The following RUSC2 variants were observed in gnomAD, a reference collection of about 807,000 sequenced individuals.
RUSC2 encodes the protein AP-4 complex accessory subunit RUSC2.
In RUSC2, 34 loss-of-function variants were observed where a neutral mutation model predicts 122.2. That is an observed-to-expected ratio of 0.28 (90% CI 0.21 to 0.37). The LOEUF (loss-of-function observed/expected upper bound fraction) is 0.37, where lower values mean the gene tolerates loss of function less well. Ranked by LOEUF, RUSC2 falls within the 10% of genes least tolerant of loss-of-function variation. The pLI, the probability that RUSC2 is intolerant of heterozygous loss-of-function variation, is 1.00. For missense variants in RUSC2, 1,747 were observed against 1,952.4 expected (o/e 0.89, Z 1.98); for synonymous variants, 784 against 790.0 (o/e 0.99, Z 0.13).
rs189053901 is a variant in RUSC2, at chr9:35,528,105, C to T, written c.-92-18325C>T. On this transcript the variant is annotated intron_variant, in intron 1 of 11. Transcript: ENST00000361226. ...GAAATGCTTTTAAAAGTATATATTG[C>T]CCAGGCACTGTGGCTCATGCCTATA... is the stretch of plus-strand genomic sequence containing the variant. 1.5e-4 allele frequency among the ~76,000 whole-genome samples: 23 copies of T among 152,288 alleles called. No individual in the cohort carries two copies. In the East Asian group the frequency reaches 4.2e-3, roughly 28 times the overall value.
At chr9:35,543,530 C>A (rs547109519) in intron 1 of RUSC2, among the ~76,000 whole-genome samples, 1 of 152,306 alleles carries the variant, frequency 6.6e-6, no homozygotes, top group African/African-American at 2.4e-5. Context: ...TAATCCAAAT[C>A]ATTCAACAGT....
intron 2 of RUSC2, among the ~76,000 whole-genome samples, chr9:35,550,608 AGAGT>A (rs1299520069): frequency 6.7e-6 from 1 of 150,192 alleles, no homozygotes; most frequent in African/African-American, 2.4e-5. Context: ...CTTGGGAAAC[AGAGT>A]GAGACTCTGT....
Position 35,555,381 on chromosome 9 carries a change from GCTA to G in RUSC2, c.2339_2341del (p.Tyr780del). On this transcript the variant is annotated inframe_deletion, in exon 3 of 12. Transcript: ENST00000361226. The surrounding 1 kb of genome is among the most constrained non-coding windows in gnomAD (Gnocchi z 4.6). Reference sequence around the variant, plus strand: ...ACCTCTCGGCCATCGCCCCTGGGCAGCTACTCCCCCATCCGGAGTGTTGGCCCC... The same window carrying G: ...ACCTCTCGGCCATCGCCCCTGGGCAGCTCCCCCATCCGGAGTGTTGGCCCC... 6.2e-7 allele frequency: 1 copy of G among 1,614,260 alleles called. No homozygotes were observed.
intron 1 of RUSC2, among the ~76,000 whole-genome samples, chr9:35,508,356 C>T (rs903757730): frequency 6.6e-6 from 1 of 152,198 alleles, no homozygotes; most frequent in Non-Finnish European, 1.5e-5. Context: ...TTTAGATATC[C>T]ACCTTCCTCC....
chr9:35,552,736 A>G (rs890788859), intron 2 of RUSC2, among the ~76,000 whole-genome samples: 2 of 152,218 alleles, frequency 1.3e-5, no homozygotes, highest in African/African-American at 2.4e-5. Context: ...GACTGGGGCT[A>G]TTTAACCTAG....
rs759920109 is a variant in RUSC2 at position 35,556,168 on chromosome 9, G to T, written c.2842+31G>T. On this transcript the variant is annotated intron_variant, in intron 4 of 11. Transcript: ENST00000361226. Reference sequence around the variant, plus strand: ...TGAGCAGGGTCCCCAGTACACCCGGGGCAGGCTCTGCCATGGCTGGAAAGG... The same window carrying T: ...TGAGCAGGGTCCCCAGTACACCCGGTGCAGGCTCTGCCATGGCTGGAAAGG... The T allele has an allele frequency of 8.1e-6, 13 of 1,609,858 alleles. No homozygotes were observed. In the Admixed American group the frequency reaches 2.2e-4, roughly 27 times the overall value.
At chr9:35,526,815 C>T (rs1177082945) in intron 1 of RUSC2, among the ~76,000 whole-genome samples, 3 of 152,146 alleles carry the variant, frequency 2.0e-5, no homozygotes, top group Non-Finnish European at 2.9e-5. Context: ...TGCTGATGTA[C>T]AGTTTAGATA....
intron 1 of RUSC2, among the ~76,000 whole-genome samples, chr9:35,491,253 A>G (rs899534249): frequency 9.2e-5 from 14 of 152,188 alleles, no homozygotes; most frequent in Non-Finnish European, 1.9e-4. Context: ...CAATGGCTGG[A>G]AAGCTGTAGG....
chr9:35,495,050 T>TAATATATACTATAGTATATAA, intron 1 of RUSC2, among the ~76,000 whole-genome samples: 1 of 90,656 alleles, frequency 1.1e-5, no homozygotes, highest in African/African-American at 5.0e-5. Context: ...ATAGTATATA[T>TAATATATACTATAGTATATAA]AATATATACT....
intron 1 of RUSC2, among the ~76,000 whole-genome samples, chr9:35,490,473 C>T (rs1820543520): frequency 6.6e-6 from 1 of 152,102 alleles, no homozygotes; most frequent in South Asian, 2.1e-4. Context: ...CATCCCCAAC[C>T]GTCTCCTCAA....
intron 1 of RUSC2, among the ~76,000 whole-genome samples, chr9:35,528,449 C>T (rs1821361017): frequency 6.6e-6 from 1 of 150,986 alleles, no homozygotes; most frequent in Non-Finnish European, 1.5e-5. Context: ...GTGAAAGGGG[C>T]CCTGTAATGT....
Position 35,550,950 on chromosome 9 carries a change from T to C in RUSC2, c.2014+2415T>C, listed in dbSNP as rs377130202. On this transcript the variant is annotated intron_variant, in intron 2 of 11. Coordinates refer to ENST00000361226, the MANE Select transcript of RUSC2 (RefSeq NM_014806.5). ...TAGGTGTGGTGGCGGGTGCCTGTAG[T>C]TCCAGCTACATGGGAGGCTGAGGCA... Among the ~76,000 whole-genome samples, 50 of 151,992 alleles carry C rather than the reference T, an allele frequency of 3.3e-4. No homozygotes were observed. The South Asian group carries it at 9.0e-3, about 27-fold the overall frequency.
intron 5 of RUSC2, among the ~76,000 whole-genome samples, chr9:35,556,661 A>G (rs1246513627): frequency 6.6e-6 from 1 of 152,032 alleles, no homozygotes; most frequent in Admixed American, 6.6e-5. Context: ...CATCTCTACT[A>G]AAAACACAAA....
chr9:35,541,303 G>A (rs1821637190), intron 1 of RUSC2, among the ~76,000 whole-genome samples: 1 of 151,912 alleles, frequency 6.6e-6, no homozygotes, highest in Non-Finnish European at 1.5e-5. Flanking sequence ...AGTCTGAAAT[G>A]AGCTCTTCCA....
intron 1 of RUSC2, among the ~76,000 whole-genome samples, chr9:35,527,029 CCTTT>C (rs1251380067): frequency 2.6e-5 from 4 of 151,974 alleles, no homozygotes; most frequent in Admixed American, 2.6e-4. Flanking sequence ...CTTTTCTGTT[CCTTT>C]GTTTTTTTGT....
chr9:35,561,021 G>T lies in RUSC2; in HGVS notation c.4273G>T (p.Gly1425Cys), dbSNP rs374360996. 1 of 1,614,204 alleles carries T rather than the reference G, an allele frequency of 6.2e-7. No individual in the cohort carries two copies. The highest frequency in any genetic ancestry group is 1.7e-5 in the Admixed American group (1 of 60,022). ...SMFQLVAQTV[G>C]SRREPEPKES... ...GTTCCAACTAGTGGCGCAGACAGTG[G>T]GTTCCCGCCGGGAGCCAGAGCCCAA... is the stretch of plus-strand genomic sequence containing the variant. The change falls in exon 11 of 12, where the codon GGT (glycine) becomes TGT (cysteine). Residue 1425 changes from glycine to cysteine, a missense_variant. Coordinates refer to ENST00000361226, the MANE Select transcript of RUSC2 (RefSeq NM_014806.5).
At position 35,544,377 on chromosome 9, in the gene RUSC2, A is replaced by G. The variant is rs569410120; in HGVS notation, c.-92-2053A>G. On this transcript the variant is annotated intron_variant, in intron 1 of 11. Transcript: ENST00000361226. ...GGCTGGAGTGCTGTGGCATGATCTC[A>G]GCTCACTGCAACCTCTGACTCTCTA... Among the ~76,000 whole-genome samples the G allele has an allele frequency of 5.9e-3, 806 of 137,312 alleles. 9 individuals carry two copies. The highest frequency in any genetic ancestry group is 0.021 in the African/African-American group (754 of 36,532). 90.1% of individuals were successfully genotyped at this position (137,312 alleles called of 152,430 possible).
Position 35,547,933 on chromosome 9 carries a change from T to C in RUSC2, c.1412T>C (p.Val471Ala). The change falls in exon 2 of 12, where the codon GTG becomes GCG. Residue 471 changes from valine (V) to alanine (A), a missense_variant. Coordinates refer to ENST00000361226, the MANE Select transcript of RUSC2 (RefSeq NM_014806.5). The surrounding 1 kb of genome is among the most constrained non-coding windows in gnomAD (Gnocchi z 4.6). ...VSSSTQAAAA[V>A]GPTVLEGQVY... ...TCCTCCACCCAAGCAGCAGCTGCTGTGGGCCCCACTGTGCTTGAGGGACAA... is the reference window on the plus strand; with the variant it reads ...TCCTCCACCCAAGCAGCAGCTGCTGCGGGCCCCACTGTGCTTGAGGGACAA... The C allele has an allele frequency of 6.2e-7, 1 of 1,614,236 alleles. No individual in the cohort carries two copies. Among genetic ancestry groups the C allele is most frequent in the East Asian group, 2.2e-5 (1 of 44,874 alleles).
intron 1 of RUSC2, among the ~76,000 whole-genome samples, chr9:35,535,026 G>GT (rs1465642024): frequency 2.7e-5 from 4 of 150,752 alleles, no homozygotes; most frequent in African/African-American, 7.3e-5. Flanking sequence ...AAGTTTTTCT[G>GT]TTTTTTTCTT....
Sources: allele counts gnomAD v4.1 joint callset (sites outside exome capture counted in the v4.1 genomes callset), GRCh38; gene constraint gnomAD v4.1.1; non-coding constraint Gnocchi (gnomAD v3.1); transcripts MANE v1.5; gene names NCBI Gene and HGNC (gene_info 2026-07-23, HGNC 2026-07-21).